The following ACP2 variants were observed in gnomAD, a reference collection of about 807,000 sequenced individuals.
The protein encoded by ACP2 is acid phosphatase 2, lysosomal, also known as lysosomal acid phosphatase.
A neutral mutation model predicts 54.7 loss-of-function variants in ACP2; 35 were observed. That is an observed-to-expected ratio of 0.64 (90% CI 0.49 to 0.85). The LOEUF is 0.85. Among genes scored for constraint, ACP2 ranks in the 40% least tolerant of loss-of-function variants. ACP2 has a pLI of 0.00. For missense variants in ACP2, 492 were observed against 565.0 expected, an observed-to-expected ratio of 0.87 and a Z score of 1.31; for synonymous variants, 210 against 224.4, an observed-to-expected ratio of 0.94 and a Z score of 0.57.
At chr11:47,245,118 T>C in intron 6 of ACP2, 187 bp downstream of exon 6, 1 of 896,834 alleles carries the variant, frequency 1.1e-6, no homozygotes, top group Non-Finnish European at 1.8e-6. Flanking sequence ...TGCTGACAAT[T>C]AATAAACCAT....
intron 4 of ACP2, 22 bp downstream of exon 4, chr11:47,245,645 CCCCTCACCACCCCAG>C: frequency 6.2e-7 from 1 of 1,613,560 alleles, no homozygotes; most frequent in African/African-American, 1.3e-5. Flanking sequence ...CCAGAGCTGT[CCCCTCACCACCCCAG>C]GGAAGGGCTG....
chr11:47,240,706 A>AACTACTCGG (rs1216924747), intron 10 of ACP2, among the ~76,000 whole-genome samples: 1 of 152,122 alleles, frequency 6.6e-6, no homozygotes, highest in Non-Finnish European at 1.5e-5. Context: ...CTGTAATCCC[A>AACTACTCGG]ACTACTCGGG....
At chr11:47,246,869 C>T (rs1340480437) in intron 3 of ACP2, among the ~76,000 whole-genome samples, 2 of 151,868 alleles carry the variant, frequency 1.3e-5, no homozygotes, top group Non-Finnish European at 2.9e-5. Context: ...CAGCAAGACT[C>T]TGTCTCAAAA....
At chr11:47,243,361 C>A in intron 7 of ACP2, 40 bp from the exon 8 acceptor site, 2 of 1,564,278 alleles carry the variant, frequency 1.3e-6, no homozygotes, top group Non-Finnish European at 1.8e-6. Flanking sequence ...GCTACAGCCA[C>A]CTCTGCCTTC....
chr11:47,244,864 T>TTTGC lies in ACP2; in HGVS notation c.640-1_642dup (p.Thr215AlafsTer90). The TTTGC allele has an allele frequency of 6.2e-7, 1 of 1,604,510 alleles. No homozygotes were observed. The highest frequency in any genetic ancestry group is 2.2e-5 in the East Asian group (1 of 44,656). Reference sequence around the variant, plus strand: ...CAGGGCGGCAGGCGCAGCCCGTGCGTTTGCTGTGTATCGCAGCAGGCAGGT... The same window carrying TTTGC: ...CAGGGCGGCAGGCGCAGCCCGTGCGTTTGCTTGCTGTGTATCGCAGCAGGCAGGT... On this transcript the variant is annotated frameshift_variant, in exon 7 of 11. Coordinates refer to ENST00000672073, the MANE Select transcript of ACP2 (RefSeq NM_001610.4). LOFTEE classifies it high-confidence loss of function.
intron 1 of ACP2, chr11:47,248,413 A>G (rs1954303183): frequency 6.5e-6 from 10 of 1,531,902 alleles, no homozygotes; most frequent in Non-Finnish European, 8.8e-6. Flanking sequence ...CTGGGGAAAA[A>G]AGATAACCAA....
intron 8 of ACP2, 30 bp from the exon 9 acceptor site, chr11:47,243,154 T>C (rs1353242087): frequency 6.2e-7 from 1 of 1,613,364 alleles, no homozygotes; most frequent in Non-Finnish European, 8.5e-7. Context: ...CCCGTCAGCA[T>C]TGTTCCCCAC....
At chr11:47,247,955 A>T in intron 2 of ACP2, 83 bp downstream of exon 2, 1 of 1,241,104 alleles carries the variant, frequency 8.1e-7, no homozygotes. Flanking sequence ...AAGGCAGTTT[A>T]GTAGGACCCC....
rs1432821705 is a variant in ACP2 at position 47,240,083 on chromosome 11, C to T, written c.*33G>A. 1 of 1,602,854 alleles carries T rather than the reference C, an allele frequency of 6.2e-7. No individual in the cohort carries two copies. The highest frequency in any genetic ancestry group is 1.7e-5 in the Admixed American group (1 of 59,352). On this transcript the variant is annotated 3_prime_UTR_variant, in exon 11 of 11. Transcript: ENST00000672073. ...GGAGCGAGGGCCCAGCCCACCTCCC[C>T]TAGGAGGTGGAGGGAAGGGGGCTGA...
intron 1 of ACP2, chr11:47,248,420 C>T (rs1954303480): frequency 1.6e-5 from 25 of 1,535,138 alleles, no homozygotes; most frequent in South Asian, 1.3e-4. Flanking sequence ...AAAAAGATAA[C>T]CAAAGGCTTC....
chr11:47,242,954 C>T (rs1953930230), intron 9 of ACP2, 56 bp from the exon 10 acceptor site: 1 of 1,611,394 alleles, frequency 6.2e-7, no homozygotes, highest in Non-Finnish European at 8.5e-7. Flanking sequence ...TCATGGGGTC[C>T]TTGGGCTGCC....
chr11:47,243,151 G>A (rs1953938056), intron 8 of ACP2, 27 bp from the exon 9 acceptor site: 1 of 1,613,332 alleles, frequency 6.2e-7, no homozygotes, highest in African/African-American at 1.3e-5. Context: ...CTGCCCGTCA[G>A]CATTGTTCCC....
At chr11:47,244,266 TA>T (rs1206330549) in intron 7 of ACP2, among the ~76,000 whole-genome samples, 2 of 151,962 alleles carry the variant, frequency 1.3e-5, no homozygotes, top group Non-Finnish European at 2.9e-5. Context: ...CTGTTTCTAC[TA>T]AAAATACAAA....
In ACP2 at chr11:47,240,036, G is replaced by A. The variant is rs938173346; in HGVS notation, c.*80C>T. On this transcript the variant is annotated 3_prime_UTR_variant, in exon 11 of 11. Coordinates refer to ENST00000672073, the MANE Select transcript of ACP2 (RefSeq NM_001610.4). ...CCCAACCCAGGATCTCCTGTCCATG[G>A]GCTGGGGAGCAGCAACAGTCAGGAG... 5.3e-6 allele frequency: 8 copies of A among 1,500,058 alleles called. No individual in the cohort carries two copies. Among genetic ancestry groups the A allele is most frequent in the Non-Finnish European group, 7.2e-6 (8 of 1,110,062 alleles). 92.9% of individuals were successfully genotyped at this position (1,500,058 alleles called of 1,614,324 possible).
intron 10 of ACP2, among the ~76,000 whole-genome samples, chr11:47,240,665 C>T (rs1190950429): frequency 6.6e-6 from 1 of 151,926 alleles, no homozygotes; most frequent in Non-Finnish European, 1.5e-5. Context: ...ACTAAAAATA[C>T]AAAAAATTAG....
In ACP2 at chr11:47,245,559, G is replaced by T. The variant is rs550354036; in HGVS notation, c.464C>A (p.Pro155Gln). 6.2e-7 allele frequency: 1 copy of T among 1,614,222 alleles called. No homozygotes were observed. The highest frequency in any genetic ancestry group is 1.7e-5 in the Admixed American group (1 of 60,024). Reference sequence around the variant, plus strand: ...CTCATAACGGGGACATGGGCCCAACGGGAACTTCAGCAGCTGTAGAGCGAA... The same window carrying T: ...CTCATAACGGGGACATGGGCCCAACTGGAACTTCAGCAGCTGTAGAGCGAA... ...PITEDRLLKF[P>Q]LGPCPRYEQL... Residue 155 changes from proline (P) to glutamine (Q), a missense_variant, in exon 5 of 11, where the codon CCG (proline) becomes CAG (glutamine). Transcript: ENST00000672073.
rs377695691 is a variant in ACP2, at chr11:47,240,188, G to T, written c.1200C>A (p.Leu400=). The T allele has an allele frequency of 2.1e-4, 332 of 1,614,112 alleles. No individual in the cohort carries two copies. The highest frequency in any genetic ancestry group is 2.6e-4 in the Non-Finnish European group (312 of 1,179,944). The stretch of plus-strand genomic sequence containing the variant: ...GGGCCTGCATCCGGAAGAGGACGGT[G>T]AGGAGCAGCACTATGAGGAGGAAGA... ...SILFLLIVLL[L]TVLFRMQAQP... is the part of the protein sequence containing the mutation. The change falls in exon 11 of 11, where the codon CTC becomes CTA. Residue 400 remains leucine (L), a synonymous_variant. Transcript: ENST00000672073.
intron 4 of ACP2, 40 bp from the exon 5 acceptor site, chr11:47,245,612 G>A: frequency 6.2e-7 from 1 of 1,614,236 alleles, no homozygotes; most frequent in Admixed American, 1.7e-5. Context: ...GGGAAAAGGA[G>A]CCTGGCATCA....
Position 47,247,886 on chromosome 11 carries a change from A to G in ACP2, c.210+152T>C, listed in dbSNP as rs74695720. 1,298 of 908,508 alleles carry G rather than the reference A, an allele frequency of 1.4e-3. 1 individual carries two copies. The highest frequency in any genetic ancestry group is 2.0e-3 in the Non-Finnish European group (1,220 of 595,130). 56.3% of individuals were successfully genotyped at this position (908,508 alleles called of 1,614,324 possible). A position where few individuals can be genotyped will look rare whatever the true frequency, so the allele number is the denominator to read the frequency against. On this transcript the variant is annotated intron_variant, in intron 2 of 10. Coordinates refer to ENST00000672073, the MANE Select transcript of ACP2 (RefSeq NM_001610.4). ...TAAGTGGCCAGTCATGCACAGCAAT[A>G]TCATGGGCACAGAGATTAAGGTTAT... is the stretch of plus-strand genomic sequence containing the variant.
Sources: allele counts gnomAD v4.1 joint callset (sites outside exome capture counted in the v4.1 genomes callset), GRCh38; gene constraint gnomAD v4.1.1; transcripts MANE v1.5; gene names NCBI Gene and HGNC (gene_info 2026-07-23, HGNC 2026-07-21).